RNGTT: variants seen among roughly 807,000 people sequenced by gnomAD.
RNGTT encodes the protein RNA guanylyltransferase and 5'-phosphatase, also known as mRNA-capping enzyme.
RNGTT carries 33 observed loss-of-function variants against 79.3 expected under a neutral mutation model. The ratio of observed to expected loss-of-function variants is 0.42; its 90% CI spans 0.32 to 0.56. RNGTT has a LOEUF of 0.56. Among genes scored for constraint, RNGTT ranks in the 20% least tolerant of loss-of-function variants. RNGTT has a pLI of 0.17. For synonymous variants in RNGTT, 222 were observed against 235.9 expected, an observed-to-expected ratio of 0.94 and a Z score of 0.54; for missense variants, 497 against 739.1, an observed-to-expected ratio of 0.67 and a Z score of 3.80.
chr6:88,894,370 TA>T (rs1783155360), intron 6 of RNGTT, among the ~76,000 whole-genome samples: 1 of 152,074 alleles, frequency 6.6e-6, no homozygotes, highest in Admixed American at 6.6e-5. Context: ...CCACAATGGA[TA>T]AAAGAGAACA....
chr6:88,883,987 T>C (rs62428987), intron 8 of RNGTT, among the ~76,000 whole-genome samples: 2 of 152,200 alleles, frequency 1.3e-5, no homozygotes, highest in Non-Finnish European at 2.9e-5. Context: ...TGAAAAAATT[T>C]GCCAACACAT....
intron 13 of RNGTT, among the ~76,000 whole-genome samples, chr6:88,726,929 C>T (rs1406067853): frequency 1.3e-5 from 2 of 150,526 alleles, no homozygotes; most frequent in Non-Finnish European, 2.9e-5. Context: ...TGGCCTTAGA[C>T]GGTCTAGTCC....
chr6:88,883,185 A>G (rs1782747503), intron 8 of RNGTT, among the ~76,000 whole-genome samples: 1 of 151,620 alleles, frequency 6.6e-6, no homozygotes, highest in Non-Finnish European at 1.5e-5. Flanking sequence ...AAAAAAAAAA[A>G]AAAAAAAAAA....
intron 2 of RNGTT, among the ~76,000 whole-genome samples, chr6:88,933,160 G>C (rs1194317161): frequency 6.6e-6 from 1 of 152,058 alleles, no homozygotes; most frequent in African/African-American, 2.4e-5. Flanking sequence ...ATGTATTATG[G>C]GGTATATGTG....
intron 13 of RNGTT, among the ~76,000 whole-genome samples, chr6:88,718,276 A>T (rs1776589758): frequency 6.6e-6 from 1 of 151,960 alleles, no homozygotes; most frequent in Non-Finnish European, 1.5e-5. Context: ...AATCCTAGCT[A>T]CTTAGGAGGC....
intron 13 of RNGTT, among the ~76,000 whole-genome samples, chr6:88,688,757 C>T (rs1456517989): frequency 6.6e-6 from 1 of 152,142 alleles, no homozygotes; most frequent in Non-Finnish European, 1.5e-5. Context: ...GTTTGAACCA[C>T]GTAGGTCCAC....
intron 4 of RNGTT, among the ~76,000 whole-genome samples, chr6:88,911,461 T>C (rs1378573873): frequency 2.0e-5 from 3 of 152,184 alleles, no homozygotes; most frequent in Admixed American, 6.5e-5. Context: ...CCCAATATTG[T>C]AGCACGCAGA....
chr6:88,914,407 C>G (rs1453782816), intron 4 of RNGTT, among the ~76,000 whole-genome samples: 2 of 151,984 alleles, frequency 1.3e-5, no homozygotes, highest in Non-Finnish European at 2.9e-5. Context: ...GCTACAGTAA[C>G]CAAAAGAGCA....
intron 8 of RNGTT, among the ~76,000 whole-genome samples, chr6:88,886,408 A>C (rs1190979973): frequency 1.3e-5 from 2 of 152,234 alleles, no homozygotes; most frequent in Non-Finnish European, 2.9e-5. Flanking sequence ...TAATATTGAC[A>C]CTTTTGGTGA....
rs1562262106 is a variant in RNGTT, at chr6:88,805,730, A to AT, written c.1270-4099_1270-4098insA. 2.0e-5 allele frequency among the ~76,000 whole-genome samples: 3 copies of AT among 151,884 alleles called. No homozygotes were observed. In the East Asian group the frequency reaches 5.8e-4, roughly 29 times the overall value. ...AGAAGAAAAACTAAGAAAACTCCAC[A>AT]GTCTTCACAAGTCTGGCACTGAGCG... is the stretch of plus-strand genomic sequence containing the variant. On this transcript the variant is annotated intron_variant, in intron 11 of 15. Transcript: ENST00000369485.
intron 14 of RNGTT, among the ~76,000 whole-genome samples, chr6:88,664,735 C>T (rs113601637): frequency 0.014 from 2,145 of 152,172 alleles, 46 homozygotes; most frequent in African/African-American, 0.049. Flanking sequence ...CAGACAAGGA[C>T]GAAGGAGCCT....
At chr6:88,905,679 CAAT>C (rs1177008017) in intron 5 of RNGTT, among the ~76,000 whole-genome samples, 20 of 152,178 alleles carry the variant, frequency 1.3e-4, no homozygotes, top group Admixed American at 8.5e-4. Context: ...AACAGATGCT[CAAT>C]AAAGACATGT....
rs1157603127 is a variant in RNGTT at position 88,612,527 on chromosome 6, T to C, written c.*192A>G. The C allele has an allele frequency of 4.9e-5, 29 of 597,400 alleles. No homozygotes were observed. Among genetic ancestry groups the C allele is most frequent in the South Asian group, 1.0e-4 (5 of 48,190 alleles). The allele number at this position is 597,400 out of a possible 1,614,324, so 37.0% of individuals were successfully genotyped here. Reference sequence around the variant, plus strand: ...ATAAGATGTTTAAGTCCACGATGTATTGCAGCACTGAGGAAACGAATGCAT... The same window carrying C: ...ATAAGATGTTTAAGTCCACGATGTACTGCAGCACTGAGGAAACGAATGCAT... On this transcript the variant is annotated 3_prime_UTR_variant, in exon 16 of 16. Transcript: ENST00000369485.
intron 14 of RNGTT, among the ~76,000 whole-genome samples, chr6:88,638,742 G>A (rs1458480789): frequency 2.0e-5 from 3 of 152,048 alleles, no homozygotes; most frequent in East Asian, 1.9e-4. Context: ...AAAGTGAGAC[G>A]TTAACTCTGA....
chr6:88,946,109 T>G (rs571696503), intron 1 of RNGTT, among the ~76,000 whole-genome samples: 12 of 152,350 alleles, frequency 7.9e-5, no homozygotes, highest in African/African-American at 2.6e-4. Context: ...TGAAAGTCTG[T>G]GGCAACCTTT....
At chr6:88,664,060 T>C (rs1024673629) in intron 14 of RNGTT, among the ~76,000 whole-genome samples, 1 of 152,098 alleles carries the variant, frequency 6.6e-6, no homozygotes, top group African/African-American at 2.4e-5. Context: ...TGGAAGAGCA[T>C]GTTCCAGCTG....
intron 14 of RNGTT, among the ~76,000 whole-genome samples, chr6:88,631,069 T>C (rs1245679917): frequency 6.6e-6 from 1 of 152,242 alleles, no homozygotes; most frequent in African/African-American, 2.4e-5. Flanking sequence ...GATAATCATA[T>C]GAAATGTATT....
Position 88,906,416 on chromosome 6 carries a change from T to C in RNGTT, c.392A>G (p.Asn131Ser). The C allele has an allele frequency of 2.5e-6, 4 of 1,604,484 alleles. No homozygotes were observed. Among genetic ancestry groups the C allele is most frequent in the Non-Finnish European group, 3.4e-6 (4 of 1,176,888 alleles). Residue 131 changes from asparagine to serine, a missense_variant, in exon 5 of 16, where the codon AAT (asparagine) becomes AGT (serine). Physicochemically the swap from Asn to Ser is conservative, Grantham distance 46 (BLOSUM62 1). Coordinates refer to ENST00000369485, the MANE Select transcript of RNGTT (RefSeq NM_003800.5). Reference sequence around the variant, plus strand: ...GGCACATATGAGGAAACCAGTGCGATTGAAGCCATGAGTACAATGAACACC... The same window carrying C: ...GGCACATATGAGGAAACCAGTGCGACTGAAGCCATGAGTACAATGAACACC... Reference protein sequence around the residue: ...LIGVHCTHGFNRTGFLICAFL... With the variant: ...LIGVHCTHGFSRTGFLICAFL...
intron 13 of RNGTT, among the ~76,000 whole-genome samples, chr6:88,761,830 T>G (rs1048520291): frequency 2.0e-5 from 3 of 152,156 alleles, no homozygotes; most frequent in Admixed American, 6.5e-5. Flanking sequence ...CTGTAAATCT[T>G]CCAACAGTTT....
Sources: gnomAD v4.1 joint callset for allele counts (sites outside exome capture counted in the v4.1 genomes callset) on GRCh38, gnomAD v4.1.1 for gene constraint, MANE v1.5 for transcripts, NCBI Gene and HGNC (gene_info 2026-07-23, HGNC 2026-07-21) for gene names.